The following MBTD1 variants were observed in gnomAD, a reference collection of about 807,000 sequenced individuals.
MBTD1 encodes MBT domain-containing protein 1.
A neutral mutation model predicts 87.8 loss-of-function variants in MBTD1; 24 were observed. The observed-to-expected ratio is 0.27, with a 90% confidence interval of 0.20 to 0.38. The LOEUF (loss-of-function observed/expected upper bound fraction) is 0.38. Ranked by LOEUF, MBTD1 falls within the 10% of genes least tolerant of loss-of-function variation. The pLI is 1.00. For missense variants in MBTD1, 436 were observed against 760.2 expected (o/e 0.57, Z 5.02); for synonymous variants, 237 against 248.6 (o/e 0.95, Z 0.44).
chr17:51,195,085 T>C (rs1598300027), intron 13 of MBTD1, 129 bp downstream of exon 13: 2 of 655,280 alleles, frequency 3.1e-6, no homozygotes. Flanking sequence ...AGCTCCTGTA[T>C]GTATATGTTT....
intron 3 of MBTD1, among the ~76,000 whole-genome samples, chr17:51,223,640 G>C (rs113351614): frequency 6.6e-6 from 1 of 152,000 alleles, no homozygotes; most frequent in Non-Finnish European, 1.5e-5. Context: ...GTTTGAGACC[G>C]GCCTGGCCAA....
At chr17:51,221,203 C>T (rs59186745) in intron 3 of MBTD1, among the ~76,000 whole-genome samples, 5,615 of 152,216 alleles carry the variant, frequency 0.037, 290 homozygotes, top group African/African-American at 0.11. Context: ...GAGGCTGAGG[C>T]GGGAGGACTG....
intron 2 of MBTD1, among the ~76,000 whole-genome samples, chr17:51,229,067 C>A (rs1207956819): frequency 6.6e-6 from 1 of 151,906 alleles, no homozygotes; most frequent in East Asian, 1.9e-4. Flanking sequence ...CAGTGTCTCA[C>A]GCCTGTAATC....
At chr17:51,216,970 G>A (rs115317113) in intron 6 of MBTD1, among the ~76,000 whole-genome samples, 2,743 of 152,142 alleles carry the variant, frequency 0.018, 97 homozygotes, top group African/African-American at 0.062. Flanking sequence ...GGAGGCAAAG[G>A]TGGGAGGACT....
At chr17:51,210,560 A>T (rs1410681823) in intron 6 of MBTD1, among the ~76,000 whole-genome samples, 3 of 151,782 alleles carry the variant, frequency 2.0e-5, no homozygotes, top group Non-Finnish European at 4.4e-5. Context: ...GTTCAAGAGC[A>T]GCCTGGCCAA....
In MBTD1 at chr17:51,179,516, A is replaced by T. The variant is rs1282765875; in HGVS notation, c.*1060T>A. On this transcript the variant is annotated 3_prime_UTR_variant, in exon 17 of 17. Coordinates refer to ENST00000586178, the MANE Select transcript of MBTD1 (RefSeq NM_017643.3). ...TATATATATATATATATATATATAT[A>T]TATATATATATATATATATATGGAA... The T allele has an allele frequency of 5.0e-4, 44 of 87,934 alleles. 1 individual carries two copies. Among genetic ancestry groups the T allele is most frequent in the South Asian group, 4.4e-3 (14 of 3,202 alleles). 5.4% of individuals were successfully genotyped at this position (87,934 alleles called of 1,614,324 possible). A position where few individuals can be genotyped will look rare whatever the true frequency, so the allele number is the denominator to read the frequency against.
chr17:51,224,656 T>C (rs2053109397), intron 3 of MBTD1, among the ~76,000 whole-genome samples: 1 of 152,214 alleles, frequency 6.6e-6, no homozygotes, highest in South Asian at 2.1e-4. Flanking sequence ...TATAAGAAAT[T>C]AATATAGAGG....
intron 2 of MBTD1, among the ~76,000 whole-genome samples, chr17:51,255,738 C>T (rs2144278915): frequency 6.6e-6 from 1 of 152,076 alleles, no homozygotes; most frequent in East Asian, 1.9e-4. Flanking sequence ...GCTGGGACTA[C>T]AGGGGTGTGC....
rs144864005 is a variant in MBTD1 at position 51,209,981 on chromosome 17, G to A, written c.487-2976C>T. Among the ~76,000 whole-genome samples, 3 of 152,256 alleles carry A rather than the reference G, an allele frequency of 2.0e-5. No homozygotes were observed. The East Asian group carries it at 5.8e-4, about 29-fold the overall frequency. On this transcript the variant is annotated intron_variant, in intron 6 of 16. Coordinates refer to ENST00000586178, the MANE Select transcript of MBTD1 (RefSeq NM_017643.3). ...AAAGTAGAAAAAGAAAAGAAAAACT[G>A]TTCCTGCCTTCTCCATAAAGTCCAC...
intron 2 of MBTD1, among the ~76,000 whole-genome samples, chr17:51,241,039 C>T (rs2054136677): frequency 6.6e-6 from 1 of 151,492 alleles, no homozygotes. Context: ...AGTGCAGTGG[C>T]GTGATTTCGG....
chr17:51,247,975 T>C (rs2054547678), intron 2 of MBTD1, among the ~76,000 whole-genome samples: 1 of 152,244 alleles, frequency 6.6e-6, no homozygotes, highest in Non-Finnish European at 1.5e-5. Flanking sequence ...TAAGAAATTA[T>C]CCATTTCATC....
At chr17:51,215,927 A>ATTTTTTT (rs35988235) in intron 6 of MBTD1, among the ~76,000 whole-genome samples, 3 of 114,204 alleles carry the variant, frequency 2.6e-5, no homozygotes, top group Non-Finnish European at 5.2e-5. Flanking sequence ...TAAAGCCCTA[A>ATTTTTTT]TTTTTTTTTT....
intron 10 of MBTD1, 45 bp downstream of exon 10, chr17:51,202,656 G>T: frequency 1.5e-6 from 2 of 1,378,494 alleles, no homozygotes; most frequent in African/African-American, 1.4e-5. Context: ...AGTATAATCA[G>T]CCTCAATGAT....
Position 51,192,215 on chromosome 17 carries a change from C to T in MBTD1, c.1756G>A (p.Gly586Arg). Reference protein sequence around the residue: ...KKKAKSQQYKGHKKMTTLQLK... With the variant: ...KKKAKSQQYKRHKKMTTLQLK... ...CGTGGTGACCCACTTTTCTTATGTCCTTTGTATTGCTGGGACTTAGCCTTT... is the reference window on the plus strand; with the variant it reads ...CGTGGTGACCCACTTTTCTTATGTCTTTTGTATTGCTGGGACTTAGCCTTT... Residue 586 changes from glycine (G) to arginine (R), a missense_variant, in exon 16 of 17, where the codon GGA becomes AGA. Gly to Arg is a moderately radical substitution (Grantham distance 125). Transcript: ENST00000586178. The T allele has an allele frequency of 6.4e-7, 1 of 1,550,928 alleles. No homozygotes were observed. Among genetic ancestry groups the T allele is most frequent in the Non-Finnish European group, 8.7e-7 (1 of 1,146,562 alleles).
intron 8 of MBTD1, among the ~76,000 whole-genome samples, chr17:51,203,517 C>G (rs368852666): frequency 6.6e-6 from 1 of 152,036 alleles, no homozygotes; most frequent in Admixed American, 6.6e-5. Flanking sequence ...CCGGTTCAAG[C>G]GATTCTTCTG....
At chr17:51,207,136 T>C (rs1313770918) in intron 6 of MBTD1, 131 bp from the exon 7 acceptor site, 1 of 525,250 alleles carries the variant, frequency 1.9e-6, no homozygotes, top group Non-Finnish European at 3.3e-6. Context: ...GTTTGTTTCC[T>C]AGAATTCTAT....
intron 7 of MBTD1, among the ~76,000 whole-genome samples, chr17:51,205,983 C>T (rs1016697936): frequency 6.6e-6 from 1 of 152,148 alleles, no homozygotes; most frequent in Non-Finnish European, 1.5e-5. Flanking sequence ...CCTGCCTCTC[C>T]TCCACAATGC....
At chr17:51,218,149 C>T (rs572437257) in intron 5 of MBTD1, among the ~76,000 whole-genome samples, 146 of 152,186 alleles carry the variant, frequency 9.6e-4, no homozygotes, top group Middle Eastern at 3.4e-3. Context: ...TCTATTTACT[C>T]ACTTATTGCC....
intron 6 of MBTD1, chr17:51,209,492 C>T: frequency 4.2e-6 from 2 of 470,822 alleles, no homozygotes; most frequent in South Asian, 3.1e-5. Context: ...CTGAGGGGTC[C>T]CCAACACAAA....
Sources: allele counts gnomAD v4.1 joint callset (sites outside exome capture counted in the v4.1 genomes callset), GRCh38; gene constraint gnomAD v4.1.1; transcripts MANE v1.5; gene names NCBI Gene and HGNC (gene_info 2026-07-23, HGNC 2026-07-21).